SPON1: variants seen among roughly 807,000 people sequenced by gnomAD.
The protein encoded by SPON1 is spondin 1, also known as spondin-1.
In SPON1, 52 loss-of-function variants were observed where a neutral mutation model predicts 111.7. The observed-to-expected ratio is 0.47, with a 90% confidence interval of 0.37 to 0.59. The LOEUF (loss-of-function observed/expected upper bound fraction) is 0.59. Among genes scored for constraint, SPON1 ranks in the 20% least tolerant of loss-of-function variants. The probability of loss-of-function intolerance (pLI) is 0.00; values close to 1 mark genes in which losing one functional copy is unlikely to be tolerated. For missense variants in SPON1, 957 were observed against 1,068.5 expected (o/e 0.90, Z 1.46); for synonymous variants, 410 against 395.8 (o/e 1.04, Z -0.43).
At position 14,041,560 on chromosome 11, in the gene SPON1, C is replaced by T; in HGVS notation, c.385C>T (p.Pro129Ser). 6.2e-7 allele frequency: 1 copy of T among 1,613,874 alleles called. No homozygotes were observed. The highest frequency in any genetic ancestry group is 8.5e-7 in the Non-Finnish European group (1 of 1,179,848). Residue 129 changes from proline (P) to serine (S), a missense_variant, in exon 3 of 16, where the codon CCT (proline) becomes TCT (serine). Around this residue, in one of 5 missense-constraint regions of SPON1, gnomAD observed 262 missense variants for 253.9 expected, o/e 1.03. Coordinates refer to ENST00000576479, the MANE Select transcript of SPON1 (RefSeq NM_006108.4). ...EEETQFMSNC[P>S]VAVTESTPRR... ...AGAAACTCAGTTTATGAGCAATTGC[C>T]CTGTTGCAGTCACTGAAAGCACTCC...
intron 6 of SPON1, among the ~76,000 whole-genome samples, chr11:14,173,454 C>T (rs909772295): frequency 7.2e-5 from 11 of 152,062 alleles, no homozygotes; most frequent in Non-Finnish European, 1.2e-4. Flanking sequence ...TCCTTTAGCT[C>T]GGAGTAGTTG....
At chr11:14,169,472 T>C (rs1848071125) in intron 6 of SPON1, among the ~76,000 whole-genome samples, 1 of 152,014 alleles carries the variant, frequency 6.6e-6, no homozygotes, top group East Asian at 1.9e-4. Context: ...GATGGTAGTT[T>C]CTTTTGCTCT....
At chr11:14,171,219 T>C (rs1412688392) in intron 6 of SPON1, among the ~76,000 whole-genome samples, 1 of 152,214 alleles carries the variant, frequency 6.6e-6, no homozygotes, top group Non-Finnish European at 1.5e-5. Context: ...TGGTTTAGTC[T>C]TGGGAGAGTG....
chr11:14,076,658 TG>T, intron 4 of SPON1, among the ~76,000 whole-genome samples: 1 of 152,356 alleles, frequency 6.6e-6, no homozygotes, highest in African/African-American at 2.4e-5. Flanking sequence ...GCAAAGCAAC[TG>T]CTTCCCAGTT....
At chr11:14,147,084 C>T (rs919670104) in intron 6 of SPON1, among the ~76,000 whole-genome samples, 2 of 113,358 alleles carry the variant, frequency 1.8e-5, no homozygotes, top group Non-Finnish European at 3.2e-5. Flanking sequence ...GGCTGGAGTG[C>T]AGTGGTGCGA....
intron 6 of SPON1, among the ~76,000 whole-genome samples, chr11:14,226,128 A>T (rs943322014): frequency 6.6e-6 from 1 of 152,202 alleles, no homozygotes; most frequent in African/African-American, 2.4e-5. Context: ...CATTTTAGAG[A>T]TGAAGAAGGT....
At chr11:14,054,009 T>C (rs1554918890) in intron 3 of SPON1, among the ~76,000 whole-genome samples, 3 of 152,194 alleles carry the variant, frequency 2.0e-5, no homozygotes, top group African/African-American at 7.2e-5. Flanking sequence ...ATCAAATAAG[T>C]GCACCTGAGT....
chr11:14,221,041 G>T (rs1471813446), intron 6 of SPON1, among the ~76,000 whole-genome samples: 2 of 152,150 alleles, frequency 1.3e-5, no homozygotes, highest in African/African-American at 4.8e-5. Context: ...ATGACAGAGT[G>T]CATTTGGTTT....
chr11:14,227,675 T>C (rs981831239), intron 6 of SPON1, among the ~76,000 whole-genome samples: 1 of 152,190 alleles, frequency 6.6e-6, no homozygotes, highest in Non-Finnish European at 1.5e-5. Flanking sequence ...TCTACATTTA[T>C]TTACAGCTCA....
chr11:14,199,674 C>T (rs1848440664), intron 6 of SPON1, among the ~76,000 whole-genome samples: 1 of 152,234 alleles, frequency 6.6e-6, no homozygotes, highest in Non-Finnish European at 1.5e-5. Flanking sequence ...TTCCCCGTTA[C>T]TCTCAGCTGT....
intron 1 of SPON1, among the ~76,000 whole-genome samples, chr11:13,964,796 G>A (rs1554907883): frequency 6.6e-6 from 1 of 152,148 alleles, no homozygotes; most frequent in Non-Finnish European, 1.5e-5. Flanking sequence ...TGGACCGCAG[G>A]GAAGCGGGTA....
At chr11:14,006,349 C>T (rs1414085929) in intron 2 of SPON1, among the ~76,000 whole-genome samples, 2 of 152,042 alleles carry the variant, frequency 1.3e-5, no homozygotes, top group Non-Finnish European at 2.9e-5. Context: ...TAGGCAACAA[C>T]ATGATGATTA....
chr11:14,221,672 C>T (rs1848682495), intron 6 of SPON1, among the ~76,000 whole-genome samples: 1 of 152,184 alleles, frequency 6.6e-6, no homozygotes. Context: ...ATCCTCAGCC[C>T]CACACCCAGC....
At chr11:14,154,600 G>T (rs1464367869) in intron 6 of SPON1, among the ~76,000 whole-genome samples, 1 of 152,208 alleles carries the variant, frequency 6.6e-6, no homozygotes, top group Non-Finnish European at 1.5e-5. Context: ...CTGCTGTGAA[G>T]GTTTCTGAAA....
At chr11:14,209,468 G>A (rs1170102529) in intron 6 of SPON1, among the ~76,000 whole-genome samples, 2 of 151,958 alleles carry the variant, frequency 1.3e-5, no homozygotes, top group Non-Finnish European at 2.9e-5. Flanking sequence ...GTGTCCATGT[G>A]TTCTCATTGT....
intron 13 of SPON1, among the ~76,000 whole-genome samples, chr11:14,260,046 G>A (rs1435259981): frequency 1.3e-5 from 2 of 152,190 alleles, no homozygotes; most frequent in East Asian, 1.9e-4. Flanking sequence ...ACATTACCCA[G>A]GTCCAGCCCA....
chr11:14,252,094 A>T (rs1001524220), intron 7 of SPON1, among the ~76,000 whole-genome samples: 4 of 152,252 alleles, frequency 2.6e-5, no homozygotes, highest in African/African-American at 9.6e-5. Context: ...CTAGAAGTGG[A>T]GGAGTTCAAG....
At chr11:14,230,913 TGA>T (rs202229292) in intron 6 of SPON1, among the ~76,000 whole-genome samples, 1,787 of 152,110 alleles carry the variant, frequency 0.012, 41 homozygotes, top group African/African-American at 0.041. Context: ...CTCAGCCTCC[TGA>T]GTAGCTGAGT....
chr11:14,265,200 T>G (rs1554942331), intron 15 of SPON1, among the ~76,000 whole-genome samples: 1 of 152,144 alleles, frequency 6.6e-6, no homozygotes, highest in East Asian at 1.9e-4. Context: ...CTTGCTTACA[T>G]GGTAGTAGAA....
Sources: allele counts gnomAD v4.1 joint callset (sites outside exome capture counted in the v4.1 genomes callset), GRCh38; gene constraint gnomAD v4.1.1; regional missense constraint gnomAD v4.1.1; transcripts MANE v1.5; gene names NCBI Gene and HGNC (gene_info 2026-07-23, HGNC 2026-07-21).